Variants in TLE4 observed in about 807,000 individuals in gnomAD.
TLE4 encodes the protein TLE family member 4, transcriptional corepressor.
TLE4 carries 8 observed loss-of-function variants against 92.8 expected under a neutral mutation model. That is an observed-to-expected ratio of 0.09 (90% CI 0.05 to 0.16). TLE4 has a LOEUF of 0.16. TLE4 is among the 10% of genes least tolerant of loss of function. The pLI is 1.00. For synonymous variants in TLE4, 371 were observed against 374.1 expected (o/e 0.99, Z 0.10); for missense variants, 675 against 997.6 (o/e 0.68, Z 4.36).
chr9:79,713,761 C>T (rs2073890510), intron 14 of TLE4, among the ~76,000 whole-genome samples: 1 of 152,144 alleles, frequency 6.6e-6, no homozygotes, highest in Non-Finnish European at 1.5e-5. Flanking sequence ...GATTTTATAT[C>T]CATTGTACCT....
chr9:79,722,694 T>C (rs2075828819), intron 18 of TLE4, 93 bp downstream of exon 18: 2 of 1,457,660 alleles, frequency 1.4e-6, no homozygotes, highest in South Asian at 2.6e-5. Context: ...CTTGAGTTCA[T>C]TACCATGCCC....
At chr9:79,683,989 A>G (rs117245058) in intron 8 of TLE4, among the ~76,000 whole-genome samples, 3,812 of 152,338 alleles carry the variant, frequency 0.025, 74 homozygotes, top group Non-Finnish European at 0.041. Context: ...CCATAATTCC[A>G]TAGAAAGCCT....
At chr9:79,618,666 T>C (rs933484076) in intron 5 of TLE4, among the ~76,000 whole-genome samples, 9 of 152,006 alleles carry the variant, frequency 5.9e-5, no homozygotes, top group Middle Eastern at 3.2e-3. Flanking sequence ...TTTTTGGTGG[T>C]GGTGGTTGTT....
intron 8 of TLE4, among the ~76,000 whole-genome samples, chr9:79,677,934 GGC>G (rs2063584564): frequency 6.6e-6 from 1 of 151,800 alleles, no homozygotes; most frequent in African/African-American, 2.4e-5. Context: ...AGGTACTTCT[GGC>G]GTAATTTCTC....
chr9:79,683,009 T>C (rs980793001), intron 8 of TLE4, among the ~76,000 whole-genome samples: 2 of 152,224 alleles, frequency 1.3e-5, no homozygotes, highest in Non-Finnish European at 2.9e-5. Context: ...TGTTTTTCTG[T>C]GGCCTGTAAG....
chr9:79,608,100 C>G lies in TLE4; in HGVS notation c.253-4556C>G, dbSNP rs536052399. 2.6e-5 allele frequency among the ~76,000 whole-genome samples: 4 copies of G among 152,140 alleles called. No individual in the cohort carries two copies. In the South Asian group the frequency reaches 8.3e-4, roughly 32 times the overall value. ...TTTGCCCTGGCCAGAACTTCCAACA[C>G]TATGTTGAATAGGAGTTAATAGCTA... On this transcript the variant is annotated intron_variant, in intron 4 of 19. Coordinates refer to ENST00000376552, the MANE Select transcript of TLE4 (RefSeq NM_007005.6).
chr9:79,636,446 T>G (rs535531107), intron 6 of TLE4, among the ~76,000 whole-genome samples: 1 of 152,256 alleles, frequency 6.6e-6, no homozygotes, highest in Admixed American at 6.5e-5. Flanking sequence ...ATACCACTTA[T>G]GTTCTTCATT....
chr9:79,642,346 C>T (rs1295777168), intron 6 of TLE4, among the ~76,000 whole-genome samples: 1 of 151,958 alleles, frequency 6.6e-6, no homozygotes, highest in Non-Finnish European at 1.5e-5. Context: ...GCCTCAAATG[C>T]CTGGGCTCAA....
chr9:79,715,105 G>A (rs1022765306), intron 14 of TLE4, among the ~76,000 whole-genome samples: 16 of 152,164 alleles, frequency 1.1e-4, no homozygotes, highest in Admixed American at 1.3e-4. Flanking sequence ...TGCTCACAGA[G>A]TGGTTGTTGT....
At chr9:79,637,792 G>T (rs1308149401) in intron 6 of TLE4, among the ~76,000 whole-genome samples, 1 of 152,082 alleles carries the variant, frequency 6.6e-6, no homozygotes, top group Non-Finnish European at 1.5e-5. Context: ...TCATGCTTGG[G>T]CATTGGGCTG....
intron 8 of TLE4, among the ~76,000 whole-genome samples, chr9:79,696,500 C>G (rs914959705): frequency 6.6e-6 from 1 of 151,988 alleles, no homozygotes; most frequent in Non-Finnish European, 1.5e-5. Context: ...GATATATTGT[C>G]ATTTCTTTCT....
At chr9:79,706,682 AC>A in intron 10 of TLE4, 64 bp from the exon 11 acceptor site, 1 of 1,547,870 alleles carries the variant, frequency 6.5e-7, no homozygotes, top group South Asian at 1.2e-5. Flanking sequence ...AAATGTCCAC[AC>A]CCAACAACCC....
chr9:79,592,375 G>A (rs1228263071), intron 4 of TLE4, among the ~76,000 whole-genome samples: 1 of 149,280 alleles, frequency 6.7e-6, no homozygotes, highest in Non-Finnish European at 1.5e-5. Context: ...TCCTGGGCTC[G>A]AGTGATCCTC....
chr9:79,697,733 A>T (rs1442611004), intron 8 of TLE4, among the ~76,000 whole-genome samples: 1 of 152,256 alleles, frequency 6.6e-6, no homozygotes, highest in East Asian at 1.9e-4. Context: ...AGAGCGTTTT[A>T]TACTGACCAA....
intron 4 of TLE4, among the ~76,000 whole-genome samples, chr9:79,585,970 C>T (rs1219836388): frequency 4.6e-5 from 7 of 152,116 alleles, no homozygotes; most frequent in Non-Finnish European, 1.0e-4. Flanking sequence ...AATGTTGACA[C>T]AGAAGTAGAG....
chr9:79,649,919 T>G, intron 6 of TLE4: 2 of 1,321,822 alleles, frequency 1.5e-6, no homozygotes, highest in South Asian at 1.2e-5. Flanking sequence ...GTTTTTTGTT[T>G]TTTGTTTTTT....
At chr9:79,597,585 A>G (rs1259738538) in intron 4 of TLE4, among the ~76,000 whole-genome samples, 4 of 152,068 alleles carry the variant, frequency 2.6e-5, no homozygotes, top group African/African-American at 4.8e-5. Context: ...TAGTCCCCCC[A>G]CAAGCCTGCT....
chr9:79,706,758 C>A lies in TLE4; in HGVS notation c.795C>A (p.Ser265=), dbSNP rs749024382. Residue 265 remains serine, a synonymous_variant, in exon 11 of 20, where the codon TCC becomes TCA. Coordinates refer to ENST00000376552, the MANE Select transcript of TLE4 (RefSeq NM_007005.6). Reference sequence around the variant, plus strand: ...ATGTTCCTTTGTAGGATCCATCTTCCCCTCGAGGGAGCCCAGCACATTCCC... The same window carrying A: ...ATGTTCCTTTGTAGGATCCATCTTCACCTCGAGGGAGCCCAGCACATTCCC... ...VVDVSNEDPS[S]PRGSPAHSPR... is the part of the protein sequence containing the mutation. The A allele has an allele frequency of 6.2e-7, 1 of 1,613,314 alleles. No homozygotes were observed. Among genetic ancestry groups the A allele is most frequent in the East Asian group, 2.2e-5 (1 of 44,874 alleles).
At chr9:79,618,592 C>T (rs1470185340) in intron 5 of TLE4, among the ~76,000 whole-genome samples, 2 of 152,146 alleles carry the variant, frequency 1.3e-5, no homozygotes, top group East Asian at 3.9e-4. Context: ...TGTTTCTAGT[C>T]ACTGGGTGCC....
Sources: gnomAD v4.1 joint callset for allele counts (sites outside exome capture counted in the v4.1 genomes callset) on GRCh38, gnomAD v4.1.1 for gene constraint, MANE v1.5 for transcripts, NCBI Gene and HGNC (gene_info 2026-07-23, HGNC 2026-07-21) for gene names.